GALNT18: variants seen among roughly 807,000 people sequenced by gnomAD.
GALNT18 encodes GalNAc-transferase 18.
GALNT18 carries 44 observed loss-of-function variants against 69.5 expected under a neutral mutation model. The ratio of observed to expected loss-of-function variants is 0.63; its 90% CI spans 0.50 to 0.81. GALNT18 has a LOEUF of 0.81. Ranked by LOEUF, GALNT18 falls within the 40% of genes least tolerant of loss-of-function variation. GALNT18 has a pLI of 0.00. For missense variants in GALNT18, 715 were observed against 810.0 expected, an observed-to-expected ratio of 0.88 and a Z score of 1.42; for synonymous variants, 364 against 318.2, an observed-to-expected ratio of 1.14 and a Z score of -1.53.
intron 3 of GALNT18, among the ~76,000 whole-genome samples, chr11:11,427,060 A>G (rs1436161226): frequency 1.3e-5 from 2 of 152,240 alleles, no homozygotes; most frequent in Non-Finnish European, 2.9e-5. Flanking sequence ...GATTACAGGC[A>G]TGAGCCACCA....
Position 11,454,516 on chromosome 11 carries a change from C to G in GALNT18, c.236-5580G>C, listed in dbSNP as rs1304389806. On this transcript the variant is annotated intron_variant, in intron 1 of 10. Transcript: ENST00000227756. The surrounding 1 kb of genome is among the most constrained non-coding windows in gnomAD (Gnocchi z 4.2). ...CTGTGTCTTCTTCTTGCCTCTCTCT[C>G]TCTCTCTCTTTCAAATCTCACCAAG... Among the ~76,000 whole-genome samples, 1 of 151,964 alleles carries G rather than the reference C, an allele frequency of 6.6e-6. No homozygotes were observed. Among genetic ancestry groups the G allele is most frequent in the Non-Finnish European group, 1.5e-5 (1 of 67,972 alleles).
At position 11,372,152 on chromosome 11, in the gene GALNT18, G is replaced by A. The variant is rs1428532263; in HGVS notation, c.1092+363C>T. Among the ~76,000 whole-genome samples, 1 of 152,194 alleles carries A rather than the reference G, an allele frequency of 6.6e-6. No individual in the cohort carries two copies. Among genetic ancestry groups the A allele is most frequent in the African/African-American group, 2.4e-5 (1 of 41,444 alleles). ...ACTGTCAAAGTGAGAAATCCCAAGG[G>A]GAGCTGACTCAGGGTCACTCTTGTC... On this transcript the variant is annotated intron_variant, in intron 6 of 10. Coordinates refer to ENST00000227756, the MANE Select transcript of GALNT18 (RefSeq NM_198516.3). The surrounding 1 kb of genome is among the most constrained non-coding windows in gnomAD (Gnocchi z 4.9).
rs1306087547 is a variant in GALNT18, at chr11:11,435,613, C to T, written c.429-2826G>A. Among the ~76,000 whole-genome samples, 1 of 152,268 alleles carries T rather than the reference C, an allele frequency of 6.6e-6. No homozygotes were observed. Among genetic ancestry groups the T allele is most frequent in the South Asian group, 2.1e-4 (1 of 4,812 alleles). ...CTTTGCTTTTGGACTGTGCTGTCTC[C>T]CAACCTTGGACCACAGTCTGGCACT... is the stretch of plus-strand genomic sequence containing the variant. On this transcript the variant is annotated intron_variant, in intron 2 of 10. Transcript: ENST00000227756. The surrounding 1 kb of genome is among the most constrained non-coding windows in gnomAD (Gnocchi z 4.4).
At chr11:11,478,428 A>C (rs1468440492) in intron 1 of GALNT18, among the ~76,000 whole-genome samples, 3 of 152,188 alleles carry the variant, frequency 2.0e-5, no homozygotes, top group African/African-American at 7.2e-5. Flanking sequence ...AAAGGAAGAT[A>C]AGGAATTAAC....
At chr11:11,549,660 C>T (rs985191068) in intron 1 of GALNT18, among the ~76,000 whole-genome samples, 1 of 152,208 alleles carries the variant, frequency 6.6e-6, no homozygotes, top group Non-Finnish European at 1.5e-5. Context: ...TCCCATTATC[C>T]CCATTTCCTC....
chr11:11,553,423 C>T (rs1028197271), intron 1 of GALNT18, among the ~76,000 whole-genome samples: 3 of 152,208 alleles, frequency 2.0e-5, no homozygotes, highest in Non-Finnish European at 4.4e-5. Context: ...CCTCCAAAGC[C>T]CACCTCCACA....
chr11:11,350,149 T>C (rs1850373343), intron 6 of GALNT18, among the ~76,000 whole-genome samples: 1 of 152,222 alleles, frequency 6.6e-6, no homozygotes, highest in African/African-American at 2.4e-5. Context: ...AAAGGCTGTT[T>C]TGCAGGAATC....
chr11:11,556,547 C>T (rs1470276611), intron 1 of GALNT18, among the ~76,000 whole-genome samples: 3 of 152,252 alleles, frequency 2.0e-5, no homozygotes, highest in African/African-American at 7.2e-5. Context: ...TTCTCACTGG[C>T]TCCAGTTTCC....
chr11:11,410,804 G>C (rs1453596421), intron 3 of GALNT18, among the ~76,000 whole-genome samples: 1 of 151,730 alleles, frequency 6.6e-6, no homozygotes, highest in Non-Finnish European at 1.5e-5. Context: ...AGCAGCCCTT[G>C]GTGCTTCAAG....
At position 11,523,667 on chromosome 11, in the gene GALNT18, C is replaced by A. The variant is rs1426610698; in HGVS notation, c.236-74731G>T. On this transcript the variant is annotated intron_variant, in intron 1 of 10. Coordinates refer to ENST00000227756, the MANE Select transcript of GALNT18 (RefSeq NM_198516.3). This position sits in a 1 kb window ranked among gnomAD's most constrained non-coding sequence, Gnocchi z 4.3. Reference sequence around the variant, plus strand: ...CCGGGAGGAAGAGGTTGCAGTGAGCCGAGATCGCACCACTGCACTCCAGCC... The same window carrying A: ...CCGGGAGGAAGAGGTTGCAGTGAGCAGAGATCGCACCACTGCACTCCAGCC... Among the ~76,000 whole-genome samples the A allele has an allele frequency of 6.6e-6, 1 of 150,704 alleles. No homozygotes were observed. Among genetic ancestry groups the A allele is most frequent in the Non-Finnish European group, 1.5e-5 (1 of 67,786 alleles).
intron 9 of GALNT18, among the ~76,000 whole-genome samples, chr11:11,296,099 T>C (rs1214630476): frequency 6.6e-6 from 1 of 152,116 alleles, no homozygotes; most frequent in Non-Finnish European, 1.5e-5. Context: ...CATACCTCTA[T>C]TCAACTAACA....
At chr11:11,615,708 C>G (rs1289439928) in intron 1 of GALNT18, among the ~76,000 whole-genome samples, 3 of 151,876 alleles carry the variant, frequency 2.0e-5, no homozygotes, top group Admixed American at 6.6e-5. Context: ...TTATAGAATG[C>G]CAAATAGAAA....
rs1031200596 is a variant in GALNT18 at position 11,500,140 on chromosome 11, T to C, written c.236-51204A>G. Among the ~76,000 whole-genome samples the C allele has an allele frequency of 6.6e-6, 1 of 152,108 alleles. No homozygotes were observed. The highest frequency in any genetic ancestry group is 2.4e-5 in the African/African-American group (1 of 41,396). On this transcript the variant is annotated intron_variant, in intron 1 of 10. Transcript: ENST00000227756. This position sits in a 1 kb window ranked among gnomAD's most constrained non-coding sequence, Gnocchi z 5.0. ...ATTTCCTTCTACGAAAAGACTTAAT[T>C]AGCAACCTCAAATAGGATCTCAAAG...
rs1011767307 is a variant in GALNT18, at chr11:11,430,869, T to C, written c.595+1752A>G. Among the ~76,000 whole-genome samples the C allele has an allele frequency of 8.5e-5, 13 of 152,180 alleles. No individual in the cohort carries two copies. The highest frequency in any genetic ancestry group is 1.5e-4 in the Non-Finnish European group (10 of 68,034). On this transcript the variant is annotated intron_variant, in intron 3 of 10. Coordinates refer to ENST00000227756, the MANE Select transcript of GALNT18 (RefSeq NM_198516.3). The surrounding 1 kb of genome is among the most constrained non-coding windows in gnomAD (Gnocchi z 4.9). ...AAGATGCCCTTTTCCCCCGCCAATA[T>C]AATAAAGCATGACCAAATTCCTCCA...
At chr11:11,342,230 T>C (rs1220507002) in intron 6 of GALNT18, among the ~76,000 whole-genome samples, 1 of 152,200 alleles carries the variant, frequency 6.6e-6, no homozygotes, top group Non-Finnish European at 1.5e-5. Context: ...TGATAGATGC[T>C]TCATCAGTCA....
chr11:11,327,324 C>A (rs866769216), intron 8 of GALNT18, 143 bp from the exon 9 acceptor site: 1 of 644,488 alleles, frequency 1.6e-6, no homozygotes, highest in South Asian at 1.9e-5. Flanking sequence ...ATAGAACCAA[C>A]AAGCACCAGC....
At chr11:11,380,529 C>T (rs1173531186) in intron 3 of GALNT18, among the ~76,000 whole-genome samples, 1 of 152,224 alleles carries the variant, frequency 6.6e-6, no homozygotes, top group African/African-American at 2.4e-5. Context: ...AATCTAGAAT[C>T]TATGCTCCTA....
At chr11:11,475,441 G>GCC (rs1856370021) in intron 1 of GALNT18, 2 of 152,202 alleles carry the variant, frequency 1.3e-5, no homozygotes, top group Admixed American at 6.5e-5. Context: ...AGCAGGGTGA[G>GCC]AAGCTTAAGA....
At chr11:11,456,021 C>T (rs550186659) in intron 1 of GALNT18, among the ~76,000 whole-genome samples, 12 of 152,228 alleles carry the variant, frequency 7.9e-5, no homozygotes, top group East Asian at 5.8e-4. Context: ...CCCAGGAGGT[C>T]GAGGCTGCAG....
Sources: gnomAD v4.1 joint callset for allele counts (sites outside exome capture counted in the v4.1 genomes callset) on GRCh38, gnomAD v4.1.1 for gene constraint, Gnocchi (gnomAD v3.1) non-coding constraint, MANE v1.5 for transcripts, NCBI Gene and HGNC (gene_info 2026-07-23, HGNC 2026-07-21) for gene names.